Variants in MICU1 observed in about 807,000 individuals in gnomAD.
MICU1 encodes the protein calcium uptake protein 1, mitochondrial.
MICU1 carries 45 observed loss-of-function variants against 56.8 expected under a neutral mutation model. That is an observed-to-expected ratio of 0.79 (90% confidence interval 0.62 to 1.02). MICU1 has a LOEUF of 1.02. MICU1 is among the 50% of genes least tolerant of loss of function. MICU1 has a pLI of 0.00. For missense variants in MICU1, 504 were observed against 587.1 expected (o/e 0.86, Z 1.46); for synonymous variants, 186 against 195.1 (o/e 0.95, Z 0.39).
chr10:72,510,136 G>A (rs1867395102), intron 5 of MICU1, among the ~76,000 whole-genome samples: 1 of 152,108 alleles, frequency 6.6e-6, no homozygotes, highest in African/African-American at 2.4e-5. Flanking sequence ...TCTAAGGATA[G>A]AGTGAAATGA....
intron 10 of MICU1, among the ~76,000 whole-genome samples, chr10:72,401,594 C>T (rs547921073): frequency 6.6e-6 from 1 of 152,304 alleles, no homozygotes; most frequent in African/African-American, 2.4e-5. Context: ...GCGAAGGTTG[C>T]AGTAAGCAGA....
intron 5 of MICU1, chr10:72,523,846 T>C: frequency 6.5e-7 from 1 of 1,527,050 alleles, no homozygotes; most frequent in Non-Finnish European, 8.8e-7. Context: ...TCTGTAAGTA[T>C]ATATTCTTTT....
chr10:72,603,819 A>C (rs1841611945), intron 1 of MICU1, among the ~76,000 whole-genome samples: 2 of 152,158 alleles, frequency 1.3e-5, no homozygotes, highest in Non-Finnish European at 2.9e-5. Flanking sequence ...ACAAAACAAA[A>C]CAAACAAACA....
chr10:72,593,522 CAA>C (rs56135700), intron 1 of MICU1, among the ~76,000 whole-genome samples: 64 of 131,582 alleles, frequency 4.9e-4, no homozygotes, highest in Non-Finnish European at 7.4e-4. Flanking sequence ...ACTCTGTCTC[CAA>C]AAAAAAAAAA....
At chr10:72,504,123 G>GA (rs888961549) in intron 6 of MICU1, among the ~76,000 whole-genome samples, 14 of 151,988 alleles carry the variant, frequency 9.2e-5, no homozygotes, top group African/African-American at 3.1e-4. Flanking sequence ...CACAAAATCA[G>GA]AAAAAAACTA....
chr10:72,400,250 CT>C (rs1020273397), intron 10 of MICU1, among the ~76,000 whole-genome samples: 5 of 151,864 alleles, frequency 3.3e-5, no homozygotes, highest in African/African-American at 9.7e-5. Flanking sequence ...TTTTTTCTTT[CT>C]TTTTTTTAAT....
intron 8 of MICU1, among the ~76,000 whole-genome samples, chr10:72,472,513 T>C (rs982561708): frequency 3.3e-5 from 5 of 152,034 alleles, no homozygotes; most frequent in Non-Finnish European, 7.4e-5. Context: ...AAGTTATCTA[T>C]CCAGCTGTGC....
intron 1 of MICU1, among the ~76,000 whole-genome samples, chr10:72,612,126 A>G (rs1242703031): frequency 6.6e-6 from 1 of 152,100 alleles, no homozygotes; most frequent in Non-Finnish European, 1.5e-5. Context: ...ACGGAAAGAA[A>G]TCTGTGTATG....
intron 3 of MICU1, among the ~76,000 whole-genome samples, chr10:72,552,145 G>T (rs60860136): frequency 0.093 from 14,104 of 152,130 alleles, 2,168 homozygotes; most frequent in African/African-American, 0.32. Context: ...ACAGATTTTT[G>T]ATTATAAAAT....
At chr10:72,454,008 G>T (rs1246305788) in intron 8 of MICU1, among the ~76,000 whole-genome samples, 1 of 151,834 alleles carries the variant, frequency 6.6e-6, no homozygotes, top group African/African-American at 2.4e-5. Flanking sequence ...GCTAATGTTT[G>T]TATTTTTTGT....
chr10:72,579,166 T>C (rs1564944908), intron 1 of MICU1, among the ~76,000 whole-genome samples: 1 of 152,184 alleles, frequency 6.6e-6, no homozygotes. Context: ...ATAAATAATA[T>C]TGTACATTGT....
chr10:72,488,834 T>C (rs931642052), intron 6 of MICU1, among the ~76,000 whole-genome samples: 2 of 152,182 alleles, frequency 1.3e-5, no homozygotes, highest in African/African-American at 4.8e-5. Flanking sequence ...ATGGAGGAAT[T>C]AGGATTTGAA....
chr10:72,513,292 T>C (rs1867541515), intron 5 of MICU1, among the ~76,000 whole-genome samples: 1 of 152,220 alleles, frequency 6.6e-6, no homozygotes, highest in African/African-American at 2.4e-5. Flanking sequence ...TTGATTTACA[T>C]TCCCCTAATA....
intron 4 of MICU1, among the ~76,000 whole-genome samples, chr10:72,537,304 T>G (rs1293419020): frequency 6.6e-6 from 1 of 152,106 alleles, no homozygotes; most frequent in South Asian, 2.1e-4. Context: ...ATGAAGTAAT[T>G]CAAGCTATTG....
intron 1 of MICU1, among the ~76,000 whole-genome samples, chr10:72,576,068 G>T (rs1306131239): frequency 6.6e-6 from 1 of 151,932 alleles, no homozygotes; most frequent in Non-Finnish European, 1.5e-5. Flanking sequence ...ACAAAAATTA[G>T]CTGGGCATGG....
intron 9 of MICU1, among the ~76,000 whole-genome samples, chr10:72,417,070 A>G (rs966090819): frequency 6.6e-6 from 1 of 152,226 alleles, no homozygotes; most frequent in Non-Finnish European, 1.5e-5. Context: ...TGGCTGATCG[A>G]TAAATATTGA....
intron 1 of MICU1, among the ~76,000 whole-genome samples, chr10:72,594,040 A>T (rs1177118076): frequency 6.6e-6 from 1 of 152,254 alleles, no homozygotes; most frequent in Middle Eastern, 3.2e-3. Flanking sequence ...CAGAATCTCA[A>T]GAGACTGAAT....
intron 8 of MICU1, among the ~76,000 whole-genome samples, chr10:72,454,313 G>C (rs911006871): frequency 6.6e-6 from 1 of 151,560 alleles, no homozygotes; most frequent in Non-Finnish European, 1.5e-5. Flanking sequence ...AATTAGCCAG[G>C]TGTGGTGGCA....
intron 6 of MICU1, among the ~76,000 whole-genome samples, chr10:72,497,005 T>G (rs1029139092): frequency 3.3e-5 from 5 of 152,172 alleles, no homozygotes; most frequent in African/African-American, 1.2e-4. Flanking sequence ...AACCACTATT[T>G]CCTGCCTTGA....
Sources: allele counts gnomAD v4.1 joint callset (sites outside exome capture counted in the v4.1 genomes callset), GRCh38; gene constraint gnomAD v4.1.1; transcripts MANE v1.5; gene names NCBI Gene and HGNC (gene_info 2026-07-23, HGNC 2026-07-21).